Variants in NMD3 observed in about 807,000 individuals in gnomAD.
NMD3 encodes the protein NMD3 ribosome export adaptor, also known as 60S ribosomal export protein NMD3.
In NMD3, 47 loss-of-function variants were observed where a neutral mutation model predicts 73.1. The observed-to-expected ratio is 0.64, with a 90% CI of 0.51 to 0.82. The LOEUF is 0.82. Among genes scored for constraint, NMD3 ranks in the 40% least tolerant of loss-of-function variants. The pLI is 0.00. For missense variants in NMD3, 554 were observed against 612.5 expected (o/e 0.90, Z 1.01); for synonymous variants, 210 against 194.5 (o/e 1.08, Z -0.66).
chr3:161,228,494 T>C (rs1273108537), intron 4 of NMD3, among the ~76,000 whole-genome samples: 1 of 152,170 alleles, frequency 6.6e-6, no homozygotes, highest in East Asian at 1.9e-4. Flanking sequence ...TTCATGTTCT[T>C]GATGCATTTT....
At position 161,250,770 on chromosome 3, in the gene NMD3, A is replaced by AT. The variant is rs758433839; in HGVS notation, c.1382-3dup. 41 of 1,578,200 alleles carry AT rather than the reference A, an allele frequency of 2.6e-5. No individual in the cohort carries two copies. The highest frequency in any genetic ancestry group is 3.5e-5 in the Non-Finnish European group (40 of 1,151,000). ...TTTGTATTTATTTTATTCTCTTTGT[A>AT]TTTTTTTAGATTCAGCCATCCCTGT... On this transcript the variant is annotated splice_polypyrimidine_tract_variant and intron_variant, in intron 15 of 15. Coordinates refer to ENST00000351193, the MANE Select transcript of NMD3 (RefSeq NM_015938.5).
At chr3:161,244,497 A>G (rs1295552650) in intron 11 of NMD3, among the ~76,000 whole-genome samples, 4 of 152,158 alleles carry the variant, frequency 2.6e-5, no homozygotes, top group African/African-American at 7.2e-5. Context: ...AATCATTTCC[A>G]GTGGTGAAAA....
chr3:161,225,501 CTA>C (rs147518931), intron 3 of NMD3, among the ~76,000 whole-genome samples: 4,230 of 152,024 alleles, frequency 0.028, 79 homozygotes, highest in African/African-American at 0.04. Context: ...ATTAAAATAA[CTA>C]TTGTTGATGG....
intron 4 of NMD3, among the ~76,000 whole-genome samples, chr3:161,231,062 A>T (rs898245980): frequency 5.9e-5 from 9 of 152,234 alleles, no homozygotes; most frequent in African/African-American, 2.2e-4. Context: ...GGCATAGAGC[A>T]GGCAGAGCAC....
At chr3:161,237,992 TAG>T in intron 7 of NMD3, 119 bp from the exon 8 acceptor site, 2 of 660,762 alleles carry the variant, frequency 3.0e-6, no homozygotes, top group Non-Finnish European at 5.1e-6. Context: ...GTGACTACAA[TAG>T]AGTTTTCTAA....
chr3:161,234,777 T>C lies in NMD3; in HGVS notation c.408T>C (p.Val136=). The part of the protein sequence containing the change: ...LQQVFVVDYV[V]QSQMCGDCHR... ...AAGTGTTTGTGGTGGATTATGTTGT[T>C]CAGTCCCAAATGTGTGGAGATTGCC... The change falls in exon 6 of 16, where the codon GTT becomes GTC. Residue 136 remains valine, a synonymous_variant. Coordinates refer to ENST00000351193, the MANE Select transcript of NMD3 (RefSeq NM_015938.5). The C allele has an allele frequency of 6.2e-7, 1 of 1,613,252 alleles. No individual in the cohort carries two copies.
In NMD3 at chr3:161,227,363, T is replaced by G. The variant is rs764161771; in HGVS notation, c.276+20T>G. ...AGTAAGGTAAGTTAAACAGCTAAAA[T>G]CAGTATTCATAGGTATGTTTTCATT... On this transcript the variant is annotated intron_variant, in intron 4 of 15. Transcript: ENST00000351193. 3.2e-5 allele frequency: 45 copies of G among 1,416,862 alleles called. No individual in the cohort carries two copies. The highest frequency in any genetic ancestry group is 4.3e-5 in the Non-Finnish European group (43 of 1,005,660). 87.8% of individuals were successfully genotyped at this position (1,416,862 alleles called of 1,614,324 possible).
At chr3:161,249,596 A>G in intron 14 of NMD3, 36 bp downstream of exon 14, 1 of 1,254,326 alleles carries the variant, frequency 8.0e-7, no homozygotes. Flanking sequence ...TGTTGTCTCA[A>G]AGGAAATATT....
At chr3:161,233,336 T>C (rs550373176) in intron 4 of NMD3, 63 bp from the exon 5 acceptor site, 516 of 1,118,094 alleles carry the variant, frequency 4.6e-4, no homozygotes, top group Non-Finnish European at 6.5e-4. Flanking sequence ...TGATTTGTTC[T>C]TTCGTGTTTT....
At chr3:161,233,183 T>C (rs1736607088) in intron 4 of NMD3, among the ~76,000 whole-genome samples, 1 of 152,088 alleles carries the variant, frequency 6.6e-6, no homozygotes, top group Admixed American at 6.5e-5. Context: ...TTAAATTATA[T>C]CAGTTGCATT....
At chr3:161,237,751 A>T (rs1017176849) in intron 7 of NMD3, among the ~76,000 whole-genome samples, 1 of 151,446 alleles carries the variant, frequency 6.6e-6, no homozygotes, top group Non-Finnish European at 1.5e-5. Context: ...AATGGTCTTG[A>T]TCTCCTGACC....
At position 161,221,958 on chromosome 3, in the gene NMD3, CTTT is replaced by C. The variant is rs376329329; in HGVS notation, c.-20-8_-20-6del. 2.2e-3 allele frequency: 1,876 copies of C among 866,590 alleles called. 3 individuals are homozygous for C. Among genetic ancestry groups the C allele is most frequent in the African/African-American group, 0.012 (541 of 46,862 alleles). 53.7% of individuals were successfully genotyped at this position (866,590 alleles called of 1,614,324 possible). A position where few individuals can be genotyped will look rare whatever the true frequency, so the allele number is the denominator to read the frequency against. ...AAAGTGATTTAAATCCCAACATTCTCTTTTTTTTTTTTTTTTTTTTTTTTTTTT... is the reference window on the plus strand; with the variant it reads ...AAAGTGATTTAAATCCCAACATTCTCTTTTTTTTTTTTTTTTTTTTTTTTT... On this transcript the variant is annotated intron_variant, in intron 1 of 15. Transcript: ENST00000351193.
At chr3:161,221,683 C>T (rs1209858999) in intron 1 of NMD3, 2 of 200,436 alleles carry the variant, frequency 1.0e-5, no homozygotes, top group Non-Finnish European at 2.0e-5. Context: ...GTCCACAATC[C>T]CGAGCTGACC....
At chr3:161,241,485 A>G (rs559919486) in intron 10 of NMD3, among the ~76,000 whole-genome samples, 1 of 149,966 alleles carries the variant, frequency 6.7e-6, no homozygotes, top group South Asian at 2.1e-4. Flanking sequence ...CAGTGGCGCA[A>G]TCTCAGCTCA....
intron 2 of NMD3, among the ~76,000 whole-genome samples, chr3:161,224,026 T>C (rs914699083): frequency 1.3e-5 from 2 of 152,206 alleles, no homozygotes; most frequent in African/African-American, 4.8e-5. Flanking sequence ...TTATGGATAG[T>C]GTTGGTTGGG....
At chr3:161,226,967 T>C (rs113850074) in intron 3 of NMD3, among the ~76,000 whole-genome samples, 2 of 152,232 alleles carry the variant, frequency 1.3e-5, no homozygotes, top group African/African-American at 4.8e-5. Context: ...TAAGAGACTC[T>C]TGGACATTTT....
intron 9 of NMD3, among the ~76,000 whole-genome samples, chr3:161,239,637 A>G (rs988058818): frequency 2.0e-5 from 3 of 152,220 alleles, no homozygotes; most frequent in Non-Finnish European, 4.4e-5. Context: ...CCAAAGTTAC[A>G]TGATCACAAA....
Position 161,247,402 on chromosome 3 carries a change from G to A in NMD3, c.1203+72G>A, listed in dbSNP as rs1737262022. ...ATGTAACTCTTAGGGGTAAGAGGTA[G>A]GAGTTCACACTTTTGAAAATAACAA... On this transcript the variant is annotated intron_variant, in intron 13 of 15. Transcript: ENST00000351193. 4 of 837,878 alleles carry A rather than the reference G, an allele frequency of 4.8e-6. No homozygotes were observed. The South Asian group carries it at 6.8e-5, about 14-fold the overall frequency. The allele number at this position is 837,878 out of a possible 1,614,324, so 51.9% of individuals were successfully genotyped here.
chr3:161,242,729 AATTTGTTGGTGTTTCCAC>A, intron 11 of NMD3, 76 bp downstream of exon 11: 4 of 1,460,286 alleles, frequency 2.7e-6, no homozygotes, highest in Non-Finnish European at 3.7e-6. Flanking sequence ...TTTTAAAAAA[AATTTGTTGGTGTTTCCAC>A]AGTATGGAAT....
Sources: allele counts gnomAD v4.1 joint callset (sites outside exome capture counted in the v4.1 genomes callset), GRCh38; gene constraint gnomAD v4.1.1; transcripts MANE v1.5; gene names NCBI Gene and HGNC (gene_info 2026-07-23, HGNC 2026-07-21).